SLC26A7: variants seen among roughly 807,000 people sequenced by gnomAD.
SLC26A7 encodes the protein solute carrier family 26 member 7.
Under a neutral mutation model 82.5 loss-of-function variants are expected in SLC26A7, and 59 were observed. The observed-to-expected ratio is 0.72, with a 90% CI of 0.58 to 0.89. SLC26A7 has a LOEUF of 0.89. Among genes scored for constraint, SLC26A7 ranks in the 40% least tolerant of loss-of-function variants. SLC26A7 has a pLI of 0.00. For synonymous variants in SLC26A7, 271 were observed against 274.3 expected, an observed-to-expected ratio of 0.99 and a Z score of 0.12; for missense variants, 820 against 793.0, an observed-to-expected ratio of 1.03 and a Z score of -0.41.
intron 9 of SLC26A7, among the ~76,000 whole-genome samples, chr8:91,345,048 C>G (rs969781606): frequency 8.6e-5 from 13 of 150,960 alleles, no homozygotes; most frequent in African/African-American, 2.9e-4. Flanking sequence ...TCTGAAGTAT[C>G]CTTTCACCTC....
chr8:91,287,612 G>A (rs79763550), intron 2 of SLC26A7, among the ~76,000 whole-genome samples: 2 of 152,124 alleles, frequency 1.3e-5, no homozygotes, highest in East Asian at 1.9e-4. Flanking sequence ...TATAAAGTGC[G>A]AGCTACATTT....
intron 2 of SLC26A7, among the ~76,000 whole-genome samples, chr8:91,272,525 A>C (rs1196367422): frequency 6.6e-6 from 1 of 152,172 alleles, no homozygotes; most frequent in Non-Finnish European, 1.5e-5. Context: ...CAAAAGTTTC[A>C]AGAGAAAATT....
chr8:91,224,379 G>T (rs1046639847), intron 2 of SLC26A7, among the ~76,000 whole-genome samples: 4 of 152,094 alleles, frequency 2.6e-5, no homozygotes, highest in African/African-American at 9.7e-5. Context: ...ACTTACTGTT[G>T]TTGTTGATGC....
rs548186399 is a variant in SLC26A7 at position 91,252,531 on chromosome 8, CTCT to C, written c.193+2692_193+2694del. On this transcript the variant is annotated intron_variant, in intron 2 of 18. Transcript: ENST00000276609. ...TTTCTCCTGCTACCTGTCTGTCCTT[CTCT>C]TCTTATGATTCTCTGCAGATTTTTT... Among the ~76,000 whole-genome samples the C allele has an allele frequency of 1.6e-3, 242 of 152,054 alleles. 1 individual carries two copies. Among genetic ancestry groups the C allele is most frequent in the Middle Eastern group, 6.8e-3 (2 of 294 alleles).
At chr8:91,370,751 T>C (rs1814335524) in intron 15 of SLC26A7, among the ~76,000 whole-genome samples, 1 of 151,998 alleles carries the variant, frequency 6.6e-6, no homozygotes, top group African/African-American at 2.4e-5. Context: ...AAGAGTTGAA[T>C]TGAAACAGAT....
intron 2 of SLC26A7, among the ~76,000 whole-genome samples, chr8:91,281,840 A>T (rs761296610): frequency 3.3e-5 from 5 of 152,154 alleles, no homozygotes; most frequent in African/African-American, 1.2e-4. Context: ...GGCCACAATG[A>T]TAGTAGTATT....
chr8:91,343,497 C>T, intron 9 of SLC26A7, 31 bp downstream of exon 9: 1 of 1,499,424 alleles, frequency 6.7e-7, no homozygotes. Context: ...GGACAAAGCA[C>T]TGCTGGGCCT....
At chr8:91,366,930 G>A (rs1448679) in intron 14 of SLC26A7, among the ~76,000 whole-genome samples, 4,724 of 152,026 alleles carry the variant, frequency 0.031, 92 homozygotes, top group South Asian at 0.054. Context: ...TAATGGACAT[G>A]TGTTGCAGGT....
At chr8:91,370,992 A>G (rs565916476) in intron 15 of SLC26A7, among the ~76,000 whole-genome samples, 115 of 152,002 alleles carry the variant, frequency 7.6e-4, no homozygotes, top group African/African-American at 2.4e-3. Flanking sequence ...AATTTTTGGA[A>G]ATAATTTTAG....
chr8:91,348,400 G>A (rs897527019), intron 9 of SLC26A7: 2 of 975,196 alleles, frequency 2.1e-6, no homozygotes, highest in African/African-American at 1.8e-5. Context: ...AAATATCTAG[G>A]TATGGATAAT....
At chr8:91,211,826 A>G (rs1178060102) in intron 1 of SLC26A7, among the ~76,000 whole-genome samples, 1 of 151,922 alleles carries the variant, frequency 6.6e-6, no homozygotes, top group East Asian at 1.9e-4. Flanking sequence ...GTTTACACTC[A>G]AAGGAGGGAG....
chr8:91,363,947 T>G (rs1356430956), intron 13 of SLC26A7, among the ~76,000 whole-genome samples: 14 of 151,774 alleles, frequency 9.2e-5, no homozygotes, highest in Non-Finnish European at 1.9e-4. Context: ...TATTGTTTTT[T>G]TTTTTTTTTT....
intron 2 of SLC26A7, among the ~76,000 whole-genome samples, chr8:91,260,103 A>C (rs1439438064): frequency 6.6e-6 from 1 of 152,118 alleles, no homozygotes. Flanking sequence ...ACACTGCTGT[A>C]AAGAAATACC....
intron 5 of SLC26A7, among the ~76,000 whole-genome samples, chr8:91,326,720 G>C (rs1453852756): frequency 6.6e-6 from 1 of 152,132 alleles, no homozygotes; most frequent in Non-Finnish European, 1.5e-5. Context: ...ACTGTAACTT[G>C]TTACCACAAA....
Position 91,366,648 on chromosome 8 carries a change from T to A in SLC26A7, c.1557T>A (p.Phe519Leu). The change falls in exon 14 of 19, where the codon TTT becomes TTA. Residue 519 changes from phenylalanine (F) to leucine (L), a missense_variant. By Grantham distance (22) the Phe-to-Leu change is conservative. Coordinates refer to ENST00000276609, the MANE Select transcript of SLC26A7 (RefSeq NM_052832.4). ...TTGTTTTCCTGAATGCAAAAAAATT[T>A]TATACTGATTTAATGAACATGATCC... ...NPLVFLNAKK[F>L]YTDLMNMIQK... 1 of 1,613,702 alleles carries A rather than the reference T, an allele frequency of 6.2e-7. No homozygotes were observed. Among genetic ancestry groups the A allele is most frequent in the Non-Finnish European group, 8.5e-7 (1 of 1,179,854 alleles).
At chr8:91,375,925 T>C (rs1307122516) in intron 15 of SLC26A7, among the ~76,000 whole-genome samples, 3 of 152,108 alleles carry the variant, frequency 2.0e-5, no homozygotes, top group Non-Finnish European at 4.4e-5. Context: ...AAAGGCTTTG[T>C]TTGATTTTTA....
intron 2 of SLC26A7, among the ~76,000 whole-genome samples, chr8:91,283,545 T>G (rs1227438140): frequency 6.6e-6 from 1 of 152,190 alleles, no homozygotes; most frequent in Non-Finnish European, 1.5e-5. Flanking sequence ...CTTTCGGTCT[T>G]CTTGTTGGTA....
At chr8:91,368,900 G>A (rs1365743649) in intron 14 of SLC26A7, among the ~76,000 whole-genome samples, 4 of 152,222 alleles carry the variant, frequency 2.6e-5, no homozygotes, top group Non-Finnish European at 5.9e-5. Context: ...TAACCAGATG[G>A]AAATTGTATA....
chr8:91,362,189 T>C (rs1398073127), intron 11 of SLC26A7, among the ~76,000 whole-genome samples, 164 bp from the exon 12 acceptor site: 1 of 152,102 alleles, frequency 6.6e-6, no homozygotes, highest in Non-Finnish European at 1.5e-5. Flanking sequence ...GCAGGATTTG[T>C]TTCTGTATTT....
Sources: allele counts gnomAD v4.1 joint callset (sites outside exome capture counted in the v4.1 genomes callset), GRCh38; gene constraint gnomAD v4.1.1; transcripts MANE v1.5; gene names NCBI Gene and HGNC (gene_info 2026-07-23, HGNC 2026-07-21).